Variants in ACTR6 observed in about 807,000 individuals in gnomAD.
The protein encoded by ACTR6 is actin-related protein 6.
ACTR6 carries 50 observed loss-of-function variants against 52.5 expected under a neutral mutation model. The observed-to-expected ratio is 0.95, with a 90% CI of 0.76 to 1.20. ACTR6 has a LOEUF of 1.20. ACTR6 is among the 50% of genes most tolerant of loss of function. The pLI is 0.00. For missense variants in ACTR6, 344 were observed against 472.4 expected (o/e 0.73, Z 2.52); for synonymous variants, 135 against 147.2 (o/e 0.92, Z 0.60).
At chr12:100,203,958 A>C (rs1222476453) in intron 1 of ACTR6, 2 of 152,226 alleles carry the variant, frequency 1.3e-5, no homozygotes, top group Non-Finnish European at 2.9e-5. Context: ...CTAACTTGTG[A>C]ATCTTTAATC....
At chr12:100,201,149 C>CCT in intron 1 of ACTR6, 1 of 1,181,086 alleles carries the variant, frequency 8.5e-7, no homozygotes, top group Non-Finnish European at 1.1e-6. Flanking sequence ...TGTTTTATTT[C>CCT]GTAACAGGAA....
intron 8 of ACTR6, among the ~76,000 whole-genome samples, chr12:100,216,035 G>T (rs1218032347): frequency 2.6e-5 from 4 of 152,216 alleles, no homozygotes; most frequent in African/African-American, 9.6e-5. Flanking sequence ...GAAAGAGGAA[G>T]CCTACTAATG....
At chr12:100,208,547 T>C (rs765963013) in intron 4 of ACTR6, among the ~76,000 whole-genome samples, 2 of 152,170 alleles carry the variant, frequency 1.3e-5, no homozygotes, top group African/African-American at 2.4e-5. Flanking sequence ...AATGCTGGGA[T>C]TACAGGCATG....
In ACTR6 at chr12:100,212,467, A is replaced by G. The variant is rs745319252; in HGVS notation, c.689A>G (p.Asn230Ser). The G allele has an allele frequency of 5.0e-6, 8 of 1,613,828 alleles. No individual in the cohort carries two copies. In the South Asian group the frequency reaches 7.7e-5, roughly 16 times the overall value. ...TTTTCCAGGTTGAAAGGAGAAGAAA[A>G]TACAGTAATGATAGACTATGTCTTG... is the stretch of plus-strand genomic sequence containing the variant. Reference protein sequence around the residue: ...MDIAKLKGEENTVMIDYVLPD... With the variant: ...MDIAKLKGEESTVMIDYVLPD... The change falls in exon 8 of 11, where the codon AAT becomes AGT. Residue 230 changes from asparagine to serine, a missense_variant. Coordinates refer to ENST00000188312, the MANE Select transcript of ACTR6 (RefSeq NM_022496.5).
At chr12:100,215,277 T>C (rs2096123132) in intron 8 of ACTR6, among the ~76,000 whole-genome samples, 1 of 152,356 alleles carries the variant, frequency 6.6e-6, no homozygotes, top group Admixed American at 6.5e-5. Flanking sequence ...TCTTTCTTTT[T>C]AGAAAAACTC....
Position 100,212,457 on chromosome 12 carries a change from G to A in ACTR6, c.679G>A (p.Gly227Arg). Residue 227 changes from glycine to arginine, a missense_variant, in exon 8 of 11, where the codon GGA becomes AGA. Coordinates refer to ENST00000188312, the MANE Select transcript of ACTR6 (RefSeq NM_022496.5). Reference sequence around the variant, plus strand: ...CTCAATTTTGTTTTCCAGGTTGAAAGGAGAAGAAAATACAGTAATGATAGA... The same window carrying A: ...CTCAATTTTGTTTTCCAGGTTGAAAAGAGAAGAAAATACAGTAATGATAGA... ...YRDMDIAKLK[G>R]EENTVMIDYV... 1.2e-6 allele frequency: 2 copies of A among 1,613,536 alleles called. No homozygotes were observed. Among genetic ancestry groups the A allele is most frequent in the Non-Finnish European group, 1.7e-6 (2 of 1,179,578 alleles).
At chr12:100,205,499 A>AT (rs1019543768) in intron 2 of ACTR6, 177 bp from the exon 3 acceptor site, 19 of 382,946 alleles carry the variant, frequency 5.0e-5, no homozygotes, top group Non-Finnish European at 6.0e-5. Context: ...TAATAAAAAA[A>AT]TTTTTTTTTA....
intron 1 of ACTR6, among the ~76,000 whole-genome samples, chr12:100,202,151 T>A (rs1482599836): frequency 1.3e-5 from 2 of 152,176 alleles, no homozygotes; most frequent in Non-Finnish European, 2.9e-5. Context: ...CATGCTGGTC[T>A]GGAATTCCTG....
In ACTR6 at chr12:100,219,820, G is replaced by A. The variant is rs144569610; in HGVS notation, c.923-188G>A. On this transcript the variant is annotated intron_variant, in intron 9 of 10. Coordinates refer to ENST00000188312, the MANE Select transcript of ACTR6 (RefSeq NM_022496.5). The stretch of plus-strand genomic sequence containing the variant: ...ATGTGGTCATTTTTCACTGTTTCAT[G>A]TCTTTATTTGTATAAACTGTAACCT... 1.5e-4 allele frequency among the ~76,000 whole-genome samples: 23 copies of A among 152,108 alleles called. No homozygotes were observed. In the East Asian group the frequency reaches 3.9e-3, roughly 26 times the overall value.
chr12:100,204,864 C>A, intron 1 of ACTR6, 76 bp from the exon 2 acceptor site: 2 of 895,082 alleles, frequency 2.2e-6, no homozygotes, highest in Non-Finnish European at 3.6e-6. Context: ...CTTTTGGCAT[C>A]AAGAGTGGTG....
At chr12:100,212,833 G>A (rs747394572) in intron 8 of ACTR6, among the ~76,000 whole-genome samples, 66 of 151,402 alleles carry the variant, frequency 4.4e-4, no homozygotes, top group Non-Finnish European at 6.5e-4. Context: ...CTGAAACCCC[G>A]TCTCTACTAA....
intron 8 of ACTR6, 110 bp downstream of exon 8, chr12:100,212,638 G>A: frequency 1.4e-6 from 1 of 697,338 alleles, no homozygotes; most frequent in Non-Finnish European, 2.5e-6. Context: ...AACAAAGCAA[G>A]CCCCTGTCTC....
chr12:100,214,812 G>A (rs2096122725), intron 8 of ACTR6, among the ~76,000 whole-genome samples: 1 of 152,148 alleles, frequency 6.6e-6, no homozygotes. Flanking sequence ...TTCAGAAATG[G>A]GAATTGAGAT....
chr12:100,211,104 C>T (rs1386310036), intron 6 of ACTR6, among the ~76,000 whole-genome samples: 1 of 152,196 alleles, frequency 6.6e-6, no homozygotes, highest in Non-Finnish European at 1.5e-5. Flanking sequence ...TCTCCCATTT[C>T]AGCCTCCCTT....
At chr12:100,213,882 A>G (rs1770624084) in intron 8 of ACTR6, among the ~76,000 whole-genome samples, 1 of 152,222 alleles carries the variant, frequency 6.6e-6, no homozygotes. Flanking sequence ...GGTCAGAAAC[A>G]TAAGCACATT....
At chr12:100,209,740 A>G (rs1355056520) in intron 4 of ACTR6, among the ~76,000 whole-genome samples, 1 of 152,188 alleles carries the variant, frequency 6.6e-6, no homozygotes, top group Non-Finnish European at 1.5e-5. Context: ...TAACACACAC[A>G]CTCATTATAC....
At chr12:100,210,467 C>G in intron 6 of ACTR6, 116 bp downstream of exon 6, 1 of 1,153,118 alleles carries the variant, frequency 8.7e-7, no homozygotes, top group Non-Finnish European at 1.2e-6. Context: ...GCCTGTAATC[C>G]CAGCACATTG....
intron 10 of ACTR6, 55 bp from the exon 11 acceptor site, chr12:100,223,731 G>T: frequency 6.4e-7 from 1 of 1,560,732 alleles, no homozygotes; most frequent in Non-Finnish European, 8.7e-7. Flanking sequence ...TTATGTTTCA[G>T]GCATTTCAGT....
At chr12:100,217,761 G>C (rs1044996199) in intron 8 of ACTR6, among the ~76,000 whole-genome samples, 3 of 152,092 alleles carry the variant, frequency 2.0e-5, no homozygotes, top group Non-Finnish European at 4.4e-5. Context: ...ACATATTAAA[G>C]AAATGTAGAG....
Sources: allele counts gnomAD v4.1 joint callset (sites outside exome capture counted in the v4.1 genomes callset), GRCh38; gene constraint gnomAD v4.1.1; transcripts MANE v1.5; gene names NCBI Gene and HGNC (gene_info 2026-07-23, HGNC 2026-07-21).